SLC6A5: variants seen among roughly 807,000 people sequenced by gnomAD.
The protein encoded by SLC6A5 is solute carrier family 6 member 5.
A neutral mutation model predicts 90.5 loss-of-function variants in SLC6A5; 58 were observed. The observed-to-expected ratio is 0.64, with a 90% confidence interval of 0.52 to 0.80. SLC6A5 has a LOEUF of 0.80. SLC6A5 is among the 30% of genes least tolerant of loss of function. The probability of loss-of-function intolerance (pLI) is 0.00; values close to 1 mark genes in which losing one functional copy is unlikely to be tolerated. For missense variants in SLC6A5, 1,015 were observed against 1,017.6 expected (o/e 1.00, Z 0.03); for synonymous variants, 427 against 401.4 (o/e 1.06, Z -0.76).
intron 7 of SLC6A5, among the ~76,000 whole-genome samples, chr11:20,619,021 C>T (rs1213625344): frequency 6.6e-6 from 1 of 151,778 alleles, no homozygotes; most frequent in Non-Finnish European, 1.5e-5. Flanking sequence ...ATTCTGATCA[C>T]ATGCAATAAT....
intron 5 of SLC6A5, among the ~76,000 whole-genome samples, chr11:20,610,131 AT>A (rs1234689815): frequency 1.3e-5 from 2 of 152,232 alleles, no homozygotes; most frequent in Non-Finnish European, 2.9e-5. Context: ...TTTATTAATA[AT>A]TGCCCAAGTA....
intron 15 of SLC6A5, among the ~76,000 whole-genome samples, chr11:20,653,470 G>T (rs1463006872): frequency 6.6e-6 from 1 of 152,164 alleles, no homozygotes; most frequent in Admixed American, 6.5e-5. Flanking sequence ...GGTTGAAAAA[G>T]GAATGAAGAA....
rs777246131 is a variant in SLC6A5 at position 20,637,194 on chromosome 11, T to G, written c.1760T>G (p.Val587Gly). The G allele has an allele frequency of 1.2e-6, 2 of 1,613,542 alleles. No individual in the cohort carries two copies. Among genetic ancestry groups the G allele is most frequent in the East Asian group, 4.5e-5 (2 of 44,854 alleles). Residue 587 changes from valine (V) to glycine (G), a missense_variant, in exon 12 of 16, where the codon GTG becomes GGG. By Grantham distance (109) the Val-to-Gly change is moderately radical. Transcript: ENST00000525748. ...CAGTTTGCCACCATCGAGACCATAG[T>G]GACCTCCATCTCAGACGAGTTTCCC... The part of the protein sequence containing the change: ...DTMFATIETI[V>G]TSISDEFPKY...
rs560008080 is a variant in SLC6A5 at position 20,655,074 on chromosome 11, G to A, written c.*206G>A. 1 of 608,086 alleles carries A rather than the reference G, an allele frequency of 1.6e-6. No homozygotes were observed. The highest frequency in any genetic ancestry group is 3.0e-6 in the Non-Finnish European group (1 of 333,206). 37.7% of individuals were successfully genotyped at this position (608,086 alleles called of 1,614,324 possible). A position where few individuals can be genotyped will look rare whatever the true frequency, so the allele number is the denominator to read the frequency against. On this transcript the variant is annotated 3_prime_UTR_variant, in exon 16 of 16. Transcript: ENST00000525748. ...ACATAGACCACCTGAAGCGCTGTTT[G>A]CCTGTGCCCATGGTGACTGTTTCTG...
At chr11:20,604,262 G>A (rs773410515) in intron 2 of SLC6A5, 24 bp from the exon 3 acceptor site, 23 of 1,598,588 alleles carry the variant, frequency 1.4e-5, no homozygotes, top group Admixed American at 5.1e-5. Flanking sequence ...GGCTGTTATC[G>A]ACAATGTGCT....
At position 20,617,964 on chromosome 11, in the gene SLC6A5, A is replaced by G. The variant is rs987541504; in HGVS notation, c.1260+80A>G. The G allele has an allele frequency of 2.4e-5, 34 of 1,421,188 alleles. No individual in the cohort carries two copies. In the Admixed American group the frequency reaches 5.4e-4, roughly 22 times the overall value. The allele number at this position is 1,421,188 out of a possible 1,614,324, so 88.0% of individuals were successfully genotyped here. On this transcript the variant is annotated intron_variant, in intron 7 of 15. Coordinates refer to ENST00000525748, the MANE Select transcript of SLC6A5 (RefSeq NM_004211.5). ...TTTGGGGAGCAGGCAGAGCACTGGAAAGAGAGTCAGGAGCTGTGGATGCTA... is the reference window on the plus strand; with the variant it reads ...TTTGGGGAGCAGGCAGAGCACTGGAGAGAGAGTCAGGAGCTGTGGATGCTA...
chr11:20,632,945 C>T (rs2133805114), intron 10 of SLC6A5, among the ~76,000 whole-genome samples: 1 of 152,212 alleles, frequency 6.6e-6, no homozygotes, highest in Non-Finnish European at 1.5e-5. Flanking sequence ...CCAAAATGAT[C>T]ATCTTAAATC....
At chr11:20,617,997 C>G (rs1852817014) in intron 7 of SLC6A5, 113 bp downstream of exon 7, 6 of 1,116,448 alleles carry the variant, frequency 5.4e-6, no homozygotes, top group Non-Finnish European at 8.1e-6. Context: ...CTAATTCTGA[C>G]TCTGCCCTGG....
chr11:20,631,927 G>A (rs1853116568), intron 10 of SLC6A5, among the ~76,000 whole-genome samples: 1 of 152,162 alleles, frequency 6.6e-6, no homozygotes, highest in Non-Finnish European at 1.5e-5. Flanking sequence ...TCATGCTGAT[G>A]GTGCACCAGG....
intron 13 of SLC6A5, among the ~76,000 whole-genome samples, chr11:20,644,589 T>C (rs1372319404): frequency 6.6e-6 from 1 of 152,236 alleles, no homozygotes; most frequent in Admixed American, 6.5e-5. Flanking sequence ...AGTAGCTGGA[T>C]TGTTGGATCA....
chr11:20,623,719 C>A (rs1423628757), intron 7 of SLC6A5, among the ~76,000 whole-genome samples: 1 of 152,012 alleles, frequency 6.6e-6, no homozygotes, highest in African/African-American at 2.4e-5. Flanking sequence ...GCCACACTGG[C>A]CTCTTTGCTG....
At chr11:20,652,259 C>T (rs999971839) in intron 14 of SLC6A5, 30 bp from the exon 15 acceptor site, 2 of 1,611,856 alleles carry the variant, frequency 1.2e-6, no homozygotes, top group African/African-American at 1.3e-5. Context: ...CGCCACCACC[C>T]TAACACGTGT....
chr11:20,654,577 C>T (rs1853604529), intron 15 of SLC6A5, 136 bp from the exon 16 acceptor site: 4 of 797,518 alleles, frequency 5.0e-6, no homozygotes, highest in Non-Finnish European at 8.9e-6. Flanking sequence ...AACTGCCTCT[C>T]TTGGTAGAGG....
At chr11:20,600,245 A>C (rs1852431733) in intron 1 of SLC6A5, among the ~76,000 whole-genome samples, 1 of 152,024 alleles carries the variant, frequency 6.6e-6, no homozygotes, top group Non-Finnish European at 1.5e-5. Context: ...AAAGCGAATA[A>C]AAATTAGTCA....
intron 5 of SLC6A5, among the ~76,000 whole-genome samples, chr11:20,609,140 A>G (rs1355137110): frequency 6.6e-6 from 1 of 152,068 alleles, no homozygotes; most frequent in Non-Finnish European, 1.5e-5. Context: ...CTCAGCTCCT[A>G]CTCATCTGGT....
rs1343236594 is a variant in SLC6A5, at chr11:20,630,808, A to C, written c.1617A>C (p.Ala539=). 1.9e-6 allele frequency: 3 copies of C among 1,614,182 alleles called. No individual in the cohort carries two copies. In the African/African-American group the frequency reaches 4.0e-5, roughly 22 times the overall value. Residue 539 remains alanine, a synonymous_variant, in exon 10 of 16, where the codon GCA becomes GCC. Transcript: ENST00000525748. The part of the protein sequence containing the change: ...NERKVNIENV[A]DQGPGIAFVV... ...GCAAAGTCAACATTGAGAATGTGGCAGACCAAGGTACAGGACAGTTGTTAC... is the reference window on the plus strand; with the variant it reads ...GCAAAGTCAACATTGAGAATGTGGCCGACCAAGGTACAGGACAGTTGTTAC...
chr11:20,604,182 G>A (rs1852530409), intron 2 of SLC6A5, 104 bp from the exon 3 acceptor site: 2 of 1,422,682 alleles, frequency 1.4e-6, no homozygotes, highest in Non-Finnish European at 1.9e-6. Context: ...TGAGAAGTGG[G>A]AGCCTGCTTG....
At position 20,614,715 on chromosome 11, in the gene SLC6A5, T is replaced by A. The variant is rs757729373; in HGVS notation, c.1022T>A (p.Ile341Asn). The A allele has an allele frequency of 6.2e-7, 1 of 1,614,044 alleles. No homozygotes were observed. Among genetic ancestry groups the A allele is most frequent in the Non-Finnish European group, 8.5e-7 (1 of 1,179,878 alleles). ...ATCAGTGACCATCCCAAAATACAGA[T>A]CAAGAACTCGACTTTCTGCATGACC... is the stretch of plus-strand genomic sequence containing the variant. ...CVISDHPKIQIKNSTFCMTAY... is the reference protein window; with the variant it reads ...CVISDHPKIQNKNSTFCMTAY... Residue 341 changes from isoleucine to asparagine, a missense_variant, in exon 6 of 16, where the codon ATC becomes AAC. Ile to Asn is a moderately radical substitution (Grantham distance 149). Coordinates refer to ENST00000525748, the MANE Select transcript of SLC6A5 (RefSeq NM_004211.5).
intron 6 of SLC6A5, among the ~76,000 whole-genome samples, chr11:20,615,382 CTT>C (rs1852765275): frequency 6.7e-6 from 1 of 150,216 alleles, no homozygotes; most frequent in African/African-American, 2.4e-5. Flanking sequence ...CCTTTTTTTT[CTT>C]TTGAGATGGA....
Sources: allele counts gnomAD v4.1 joint callset (sites outside exome capture counted in the v4.1 genomes callset), GRCh38; gene constraint gnomAD v4.1.1; transcripts MANE v1.5; gene names NCBI Gene and HGNC (gene_info 2026-07-23, HGNC 2026-07-21).